NDUFAF2: variants seen among roughly 807,000 people sequenced by gnomAD.
NDUFAF2 encodes the protein NADH:ubiquinone oxidoreductase complex assembly factor 2.
NDUFAF2 carries 13 observed loss-of-function variants against 22.8 expected under a neutral mutation model. The observed-to-expected ratio is 0.57, with a 90% CI of 0.37 to 0.91. The LOEUF (loss-of-function observed/expected upper bound fraction) is 0.91. Among genes scored for constraint, NDUFAF2 ranks in the 40% least tolerant of loss-of-function variants. The pLI, the probability that NDUFAF2 is intolerant of heterozygous loss-of-function variation, is 0.01. For synonymous variants in NDUFAF2, 53 were observed against 64.2 expected (o/e 0.83, Z 0.84); for missense variants, 162 against 195.2 (o/e 0.83, Z 1.01).
intron 1 of NDUFAF2, among the ~76,000 whole-genome samples, chr5:60,974,131 T>G (rs957823377): frequency 1.3e-4 from 20 of 152,164 alleles, no homozygotes; most frequent in Admixed American, 5.2e-4. Flanking sequence ...CCACTCTCAG[T>G]CCAGGTGGGC....
intron 1 of NDUFAF2, among the ~76,000 whole-genome samples, chr5:61,044,138 C>T (rs959510766): frequency 4.6e-5 from 7 of 151,562 alleles, no homozygotes; most frequent in Non-Finnish European, 1.0e-4. Context: ...ACCTGTTGGC[C>T]GTTTATAAGT....
At chr5:61,042,603 T>C (rs943446307) in intron 1 of NDUFAF2, among the ~76,000 whole-genome samples, 3 of 152,206 alleles carry the variant, frequency 2.0e-5, no homozygotes, top group African/African-American at 7.2e-5. Flanking sequence ...TTTTTTATTA[T>C]ATACTATTTT....
chr5:61,109,215 G>T (rs537633731), intron 3 of NDUFAF2, among the ~76,000 whole-genome samples: 6 of 152,118 alleles, frequency 3.9e-5, no homozygotes, highest in Admixed American at 2.6e-4. Flanking sequence ...TTTGTTTGTA[G>T]CTATTGTAAA....
intron 1 of NDUFAF2, among the ~76,000 whole-genome samples, chr5:60,979,992 C>T (rs1055181867): frequency 8.5e-5 from 13 of 152,132 alleles, no homozygotes; most frequent in East Asian, 7.7e-4. Flanking sequence ...GGGAAGAGGA[C>T]GAAAATGTCT....
chr5:61,015,104 T>C (rs1376456629), intron 1 of NDUFAF2, among the ~76,000 whole-genome samples: 2 of 152,168 alleles, frequency 1.3e-5, no homozygotes, highest in Non-Finnish European at 2.9e-5. Context: ...TTTTGGGACA[T>C]TGGCTTCGTT....
intron 1 of NDUFAF2, among the ~76,000 whole-genome samples, chr5:61,052,405 G>A (rs1461733004): frequency 6.6e-6 from 1 of 152,098 alleles, no homozygotes; most frequent in African/African-American, 2.4e-5. Flanking sequence ...CCGCCTCCCG[G>A]GTTCTCGCCA....
At chr5:61,115,600 A>G (rs559974513) in intron 3 of NDUFAF2, 1 of 152,272 alleles carries the variant, frequency 6.6e-6, no homozygotes, top group South Asian at 2.1e-4. Context: ...AGAAGGAAAA[A>G]AACCGGAAAG....
intron 3 of NDUFAF2, among the ~76,000 whole-genome samples, chr5:61,138,107 C>T (rs896733423): frequency 1.3e-5 from 2 of 152,210 alleles, no homozygotes; most frequent in African/African-American, 4.8e-5. Context: ...GCAAGTCCTT[C>T]CTTGAAGAAG....
At position 61,015,142 on chromosome 5, in the gene NDUFAF2, T is replaced by C. The variant is rs575172528; in HGVS notation, c.128-57983T>C. On this transcript the variant is annotated intron_variant, in intron 1 of 3. Coordinates refer to ENST00000296597, the MANE Select transcript of NDUFAF2 (RefSeq NM_174889.5). ...GAAGTAGGCATGCTTAGGCATGAAC[T>C]CCTATTAACTCTGAAAGTAGGTCAT... is the stretch of plus-strand genomic sequence containing the variant. Among the ~76,000 whole-genome samples, 403 of 152,304 alleles carry C rather than the reference T, an allele frequency of 2.6e-3. 2 individuals carry two copies. The highest frequency in any genetic ancestry group is 3.6e-3 in the Non-Finnish European group (243 of 68,030).
chr5:61,062,846 G>C (rs1230943551), intron 1 of NDUFAF2, among the ~76,000 whole-genome samples: 1 of 152,166 alleles, frequency 6.6e-6, no homozygotes, highest in African/African-American at 2.4e-5. Context: ...CCATTAGACT[G>C]TCAGCAGATT....
chr5:61,105,629 CA>C (rs35145386), intron 3 of NDUFAF2, among the ~76,000 whole-genome samples: 74,439 of 117,434 alleles, frequency 0.63, 21,778 homozygotes, highest in East Asian at 0.9. Flanking sequence ...TGATACTGAG[CA>C]AAAAAAAAAA....
intron 1 of NDUFAF2, among the ~76,000 whole-genome samples, chr5:60,993,228 A>C (rs890620379): frequency 6.6e-6 from 1 of 152,246 alleles, no homozygotes; most frequent in Non-Finnish European, 1.5e-5. Flanking sequence ...GGCAGCTTCC[A>C]TAGCTGTCAC....
chr5:60,990,657 T>G (rs1353502306), intron 1 of NDUFAF2, among the ~76,000 whole-genome samples: 1 of 152,200 alleles, frequency 6.6e-6, no homozygotes, highest in Non-Finnish European at 1.5e-5. Flanking sequence ...GTTTTCTATA[T>G]AGCAAATTTT....
rs1458909926 is a variant in NDUFAF2 at position 60,948,103 on chromosome 5, A to G, written c.127+2721A>G. ...AAAATTAACATATTCAATATCCACA[A>G]CAATTTGTTGTGCTCCTTTCTAGTC... On this transcript the variant is annotated intron_variant, in intron 1 of 3. Transcript: ENST00000296597. Among the ~76,000 whole-genome samples, 14 of 152,180 alleles carry G rather than the reference A, an allele frequency of 9.2e-5. 1 individual carries two copies. Among genetic ancestry groups the G allele is most frequent in the Admixed American group, 9.2e-4 (14 of 15,282 alleles).
At chr5:61,139,012 A>G (rs1193696583) in intron 3 of NDUFAF2, among the ~76,000 whole-genome samples, 2 of 152,220 alleles carry the variant, frequency 1.3e-5, no homozygotes, top group South Asian at 2.1e-4. Flanking sequence ...TATGTAGACA[A>G]TATTTAAACT....
chr5:60,945,557 C>T (rs934048008), intron 1 of NDUFAF2, 175 bp downstream of exon 1: 3 of 986,996 alleles, frequency 3.0e-6, no homozygotes, highest in African/African-American at 1.6e-5. Context: ...CATCGGAGCC[C>T]TACCCGGCCC....
At chr5:60,982,334 A>G (rs1040062235) in intron 1 of NDUFAF2, among the ~76,000 whole-genome samples, 1 of 152,068 alleles carries the variant, frequency 6.6e-6, no homozygotes, top group Non-Finnish European at 1.5e-5. Flanking sequence ...CATATCTTAC[A>G]TGGATGGCAG....
intron 1 of NDUFAF2, among the ~76,000 whole-genome samples, chr5:61,067,073 A>T (rs150486183): frequency 2.6e-5 from 4 of 152,296 alleles, no homozygotes; most frequent in African/African-American, 9.6e-5. Context: ...ATGCTAAATG[A>T]GTAGATTTTA....
intron 1 of NDUFAF2, among the ~76,000 whole-genome samples, chr5:61,017,332 GC>G: frequency 6.6e-6 from 1 of 152,012 alleles, no homozygotes; most frequent in East Asian, 1.9e-4. Context: ...CTTTGTAGAA[GC>G]TTTGAACTAA....
Sources: allele counts gnomAD v4.1 joint callset (sites outside exome capture counted in the v4.1 genomes callset), GRCh38; gene constraint gnomAD v4.1.1; transcripts MANE v1.5; gene names NCBI Gene and HGNC (gene_info 2026-07-23, HGNC 2026-07-21).